B3GAT1: variants seen among roughly 807,000 people sequenced by gnomAD.
B3GAT1 encodes the protein galactosylgalactosylxylosylprotein 3-beta-glucuronosyltransferase 1.
A neutral mutation model predicts 28.4 loss-of-function variants in B3GAT1; 11 were observed. The observed-to-expected ratio is 0.39, with a 90% CI of 0.24 to 0.64. The LOEUF is 0.64. Ranked by LOEUF, B3GAT1 falls within the 30% of genes least tolerant of loss-of-function variation. B3GAT1 has a pLI of 0.50. For synonymous variants in B3GAT1, 255 were observed against 223.1 expected, an observed-to-expected ratio of 1.14 and a Z score of -1.27; for missense variants, 375 against 491.0, an observed-to-expected ratio of 0.76 and a Z score of 2.23.
chr11:134,406,807 G>A lies in B3GAT1; in HGVS notation c.-282+5000C>T, dbSNP rs993312210. ...CCTGAGGCCACACAGCTACTAAGTGGCAGAACTAGGACCTGAATCCAGCCA... is the reference window on the plus strand; with the variant it reads ...CCTGAGGCCACACAGCTACTAAGTGACAGAACTAGGACCTGAATCCAGCCA... On this transcript the variant is annotated intron_variant, in intron 1 of 5. Transcript: ENST00000312527. Among the ~76,000 whole-genome samples the A allele has an allele frequency of 6.6e-5, 10 of 152,246 alleles. No homozygotes were observed. In the South Asian group the frequency reaches 1.9e-3, roughly 28 times the overall value.
Position 134,411,249 on chromosome 11 carries a change from C to A in B3GAT1, c.-282+558G>T, listed in dbSNP as rs73589645. Among the ~76,000 whole-genome samples, 3,330 of 152,216 alleles carry A rather than the reference C, an allele frequency of 0.022. 110 individuals are homozygous for A. The highest frequency in any genetic ancestry group is 0.07 in the African/African-American group (2,918 of 41,520). ...GCAGATGGGAGGGTGGTGAACTGGT[C>A]GCGCCTCCTTCCTCCTTGCTACACC... On this transcript the variant is annotated intron_variant, in intron 1 of 5. Coordinates refer to ENST00000312527, the MANE Select transcript of B3GAT1 (RefSeq NM_054025.3). The surrounding 1 kb of genome is among the most constrained non-coding windows in gnomAD (Gnocchi z 6.0).
At chr11:134,401,809 G>C (rs1386833135) in intron 1 of B3GAT1, among the ~76,000 whole-genome samples, 1 of 152,130 alleles carries the variant, frequency 6.6e-6, no homozygotes, top group Non-Finnish European at 1.5e-5. Flanking sequence ...GCAGAGGAAG[G>C]AGGCACCTTG....
chr11:134,403,854 A>C (rs1944667977), intron 1 of B3GAT1, among the ~76,000 whole-genome samples: 1 of 151,538 alleles, frequency 6.6e-6, no homozygotes. Context: ...GACAAATATC[A>C]CAGGATTCAA....
At chr11:134,382,689 C>A in intron 4 of B3GAT1, 21 bp downstream of exon 4, 1 of 1,602,388 alleles carries the variant, frequency 6.2e-7, no homozygotes, top group South Asian at 1.1e-5. Flanking sequence ...TCACAGCTGT[C>A]AGTTCTGCGG....
At chr11:134,398,347 G>A (rs187608756) in intron 1 of B3GAT1, among the ~76,000 whole-genome samples, 1 of 152,312 alleles carries the variant, frequency 6.6e-6, no homozygotes, top group African/African-American at 2.4e-5. Context: ...TTGGCACCCA[G>A]TGGCTTCGGA....
intron 1 of B3GAT1, among the ~76,000 whole-genome samples, chr11:134,408,927 T>G (rs771907583): frequency 0.021 from 1,836 of 87,536 alleles, 97 homozygotes; most frequent in African/African-American, 0.027. Context: ...AGCCTCCACC[T>G]ATTCCAGTGG....
rs1006291116 is a variant in B3GAT1 at position 134,393,445 on chromosome 11, G to C, written c.-281-5505C>G. Among the ~76,000 whole-genome samples the C allele has an allele frequency of 6.6e-6, 1 of 152,152 alleles. No individual in the cohort carries two copies. The highest frequency in any genetic ancestry group is 1.5e-5 in the Non-Finnish European group (1 of 68,028). The stretch of plus-strand genomic sequence containing the variant: ...GACATCAGCCACATCGCAGCATCCC[G>C]CTGCGATCTCGTTTTGATTTCTTCA... On this transcript the variant is annotated intron_variant, in intron 1 of 5. Coordinates refer to ENST00000312527, the MANE Select transcript of B3GAT1 (RefSeq NM_054025.3). This position sits in a 1 kb window ranked among gnomAD's most constrained non-coding sequence, Gnocchi z 4.0.
At chr11:134,402,960 C>A (rs867178904) in intron 1 of B3GAT1, among the ~76,000 whole-genome samples, 1 of 151,924 alleles carries the variant, frequency 6.6e-6, no homozygotes, top group Non-Finnish European at 1.5e-5. Flanking sequence ...GACTTGCCCC[C>A]TGAGCACATG....
intron 1 of B3GAT1, among the ~76,000 whole-genome samples, chr11:134,392,834 T>C (rs772272097): frequency 6.6e-6 from 1 of 152,202 alleles, no homozygotes; most frequent in Non-Finnish European, 1.5e-5. Flanking sequence ...TGTAAAAGCA[T>C]GGAAAGGTTT....
intron 3 of B3GAT1, 21 bp downstream of exon 3, chr11:134,383,659 C>G (rs1048335295): frequency 6.5e-7 from 1 of 1,527,478 alleles, no homozygotes; most frequent in Non-Finnish European, 8.8e-7. Context: ...TCCCGCTGCT[C>G]ACTGTCGGGC....
chr11:134,385,691 G>A (rs1030707806), intron 2 of B3GAT1: 1 of 152,256 alleles, frequency 6.6e-6, no homozygotes, highest in African/African-American at 2.4e-5. Context: ...ATCATCCCAA[G>A]GCCGCAGAGG....
At chr11:134,403,994 T>TAA (rs1273204093) in intron 1 of B3GAT1, among the ~76,000 whole-genome samples, 1 of 66,582 alleles carries the variant, frequency 1.5e-5, no homozygotes, top group Non-Finnish European at 3.2e-5. Context: ...TATATATATA[T>TAA]ATATATATAT....
In B3GAT1 at chr11:134,393,192, G is replaced by A. The variant is rs1319314504; in HGVS notation, c.-281-5252C>T. Among the ~76,000 whole-genome samples the A allele has an allele frequency of 6.6e-6, 1 of 152,158 alleles. No homozygotes were observed. The highest frequency in any genetic ancestry group is 2.4e-5 in the African/African-American group (1 of 41,440). On this transcript the variant is annotated intron_variant, in intron 1 of 5. Transcript: ENST00000312527. The surrounding 1 kb of genome is among the most constrained non-coding windows in gnomAD (Gnocchi z 4.0). ...CCAGTAAGATGGGAACAGTAGTTAAGTGGTTCATCAAAAAAGTCCATTAAG... is the reference window on the plus strand; with the variant it reads ...CCAGTAAGATGGGAACAGTAGTTAAATGGTTCATCAAAAAAGTCCATTAAG...
intron 1 of B3GAT1, among the ~76,000 whole-genome samples, chr11:134,395,713 AG>A (rs1411826661): frequency 2.6e-5 from 4 of 152,090 alleles, no homozygotes; most frequent in Admixed American, 2.0e-4. Flanking sequence ...CCATTCTAAA[AG>A]CCAGGCCCAC....
chr11:134,380,547 A>T lies in B3GAT1; in HGVS notation c.*215T>A, dbSNP rs1565447041. The T allele has an allele frequency of 6.5e-6, 1 of 152,792 alleles. No homozygotes were observed. The highest frequency in any genetic ancestry group is 1.5e-5 in the Non-Finnish European group (1 of 68,130). 9.5% of individuals were successfully genotyped at this position (152,792 alleles called of 1,614,324 possible). On this transcript the variant is annotated 3_prime_UTR_variant, in exon 6 of 6. Transcript: ENST00000312527. ...CCATCAGGTCTCTCGGGCCCTGGTC[A>T]CGCTGGATGGAGAGAACAACAGGTC...
intron 3 of B3GAT1, 130 bp downstream of exon 3, chr11:134,383,550 C>G: frequency 8.0e-7 from 1 of 1,251,502 alleles, no homozygotes; most frequent in Non-Finnish European, 1.1e-6. Flanking sequence ...TCTCTGCTGC[C>G]TGCCCCGCTC....
chr11:134,401,976 G>A (rs1415952429), intron 1 of B3GAT1, among the ~76,000 whole-genome samples: 3 of 123,668 alleles, frequency 2.4e-5, no homozygotes, highest in East Asian at 7.1e-4. Context: ...GGGGCGGGGG[G>A]GGGCGGGCAG....
intron 4 of B3GAT1, among the ~76,000 whole-genome samples, chr11:134,382,411 GT>G (rs2136301024): frequency 3.9e-5 from 1 of 25,518 alleles, no homozygotes; most frequent in South Asian, 4.3e-3. Flanking sequence ...GCATCTGCAT[GT>G]GTGTGTGCGC....
At chr11:134,409,075 T>C (rs895455543) in intron 1 of B3GAT1, among the ~76,000 whole-genome samples, 14 of 152,208 alleles carry the variant, frequency 9.2e-5, no homozygotes, top group African/African-American at 3.4e-4. Flanking sequence ...ATAAATAGAT[T>C]AAATTAAAAT....
Sources: allele counts gnomAD v4.1 joint callset (sites outside exome capture counted in the v4.1 genomes callset), GRCh38; gene constraint gnomAD v4.1.1; non-coding constraint Gnocchi (gnomAD v3.1); transcripts MANE v1.5; gene names NCBI Gene and HGNC (gene_info 2026-07-23, HGNC 2026-07-21).